The following EPHA6 variants were observed in gnomAD, a reference collection of about 807,000 sequenced individuals.
The protein encoded by EPHA6 is EPH receptor A6.
A neutral mutation model predicts 112.0 loss-of-function variants in EPHA6; 50 were observed. The observed-to-expected ratio is 0.45, with a 90% CI of 0.36 to 0.56. The LOEUF (loss-of-function observed/expected upper bound fraction) is 0.56, where lower values mean the gene tolerates loss of function less well. EPHA6 is among the 20% of genes least tolerant of loss of function. The probability of loss-of-function intolerance (pLI) is 0.00; values close to 1 mark genes in which losing one functional copy is unlikely to be tolerated. For synonymous variants in EPHA6, 529 were observed against 490.7 expected, an observed-to-expected ratio of 1.08 and a Z score of -1.03; for missense variants, 1,280 against 1,417.4, an observed-to-expected ratio of 0.90 and a Z score of 1.56.
At chr3:97,102,252 G>A (rs1408199293) in intron 3 of EPHA6, among the ~76,000 whole-genome samples, 4 of 152,044 alleles carry the variant, frequency 2.6e-5, no homozygotes, top group Non-Finnish European at 5.9e-5. Flanking sequence ...TATGAGTGAA[G>A]CAATCTTGGA....
chr3:97,640,396 G>GTT (rs2093990762), intron 14 of EPHA6, among the ~76,000 whole-genome samples: 1 of 152,134 alleles, frequency 6.6e-6, no homozygotes. Context: ...AAATTTGAAG[G>GTT]TTTTTGTATA....
At chr3:97,526,016 G>A (rs1473266995) in intron 10 of EPHA6, among the ~76,000 whole-genome samples, 4 of 152,138 alleles carry the variant, frequency 2.6e-5, no homozygotes, top group African/African-American at 9.7e-5. Context: ...GGCTTAAACT[G>A]AGACATAAGA....
chr3:97,502,201 C>G (rs1043614911), intron 10 of EPHA6, among the ~76,000 whole-genome samples: 15 of 133,640 alleles, frequency 1.1e-4, no homozygotes, highest in Admixed American at 3.2e-4. Flanking sequence ...CAGAATCTTG[C>G]TCTATCGCCC....
rs147233501 is a variant in EPHA6, at chr3:97,187,851, C to T, written c.1115-38413C>T. 4.9e-3 allele frequency among the ~76,000 whole-genome samples: 746 copies of T among 152,104 alleles called. 5 individuals are homozygous for T. The highest frequency in any genetic ancestry group is 0.017 in the African/African-American group (703 of 41,522). On this transcript the variant is annotated intron_variant, in intron 3 of 17. Transcript: ENST00000389672. ...ATCAATGAGTACAGAGGGGGAGGTG[C>T]AGTCCTCTTAGTTTGGGCAGGAAGT...
intron 14 of EPHA6, among the ~76,000 whole-genome samples, chr3:97,665,633 A>G (rs1015903730): frequency 6.6e-6 from 1 of 152,182 alleles, no homozygotes; most frequent in African/African-American, 2.4e-5. Context: ...CAATTCCATA[A>G]CTACCAATTA....
chr3:96,985,221 A>G (rs949212041), intron 2 of EPHA6, among the ~76,000 whole-genome samples: 4 of 152,144 alleles, frequency 2.6e-5, no homozygotes, highest in African/African-American at 9.7e-5. Context: ...CTTTACTCCT[A>G]TATGGGAGAG....
intron 3 of EPHA6, among the ~76,000 whole-genome samples, chr3:97,147,358 T>C (rs1040751360): frequency 1.3e-5 from 2 of 152,122 alleles, no homozygotes; most frequent in Admixed American, 6.6e-5. Flanking sequence ...CACTGTGCTC[T>C]GTATGATAAT....
chr3:97,528,502 G>T (rs1296000029), intron 10 of EPHA6, among the ~76,000 whole-genome samples: 1 of 152,100 alleles, frequency 6.6e-6, no homozygotes, highest in Middle Eastern at 3.2e-3. Context: ...CTGTCTGAGG[G>T]AAATGGCAAG....
At chr3:97,514,088 C>T (rs553318096) in intron 10 of EPHA6, among the ~76,000 whole-genome samples, 1 of 152,282 alleles carries the variant, frequency 6.6e-6, no homozygotes, top group East Asian at 1.9e-4. Flanking sequence ...CCTTAAAAAA[C>T]ACACAGTTTA....
chr3:97,140,543 A>G (rs2075873801), intron 3 of EPHA6, among the ~76,000 whole-genome samples: 1 of 152,188 alleles, frequency 6.6e-6, no homozygotes, highest in Non-Finnish European at 1.5e-5. Context: ...TCTTAAAGAC[A>G]AAAAATGCCA....
intron 15 of EPHA6, among the ~76,000 whole-genome samples, chr3:97,723,622 T>C (rs892407800): frequency 2.0e-5 from 3 of 152,140 alleles, no homozygotes; most frequent in African/African-American, 7.2e-5. Context: ...TGTTGTATTG[T>C]CATGGTCTTG....
chr3:97,233,351 A>G (rs373825879), intron 4 of EPHA6, among the ~76,000 whole-genome samples: 2 of 151,484 alleles, frequency 1.3e-5, no homozygotes, highest in East Asian at 3.9e-4. Flanking sequence ...TCAAAACATT[A>G]TGTCTTCTAA....
chr3:97,493,611 C>A (rs1327813516), intron 10 of EPHA6, among the ~76,000 whole-genome samples: 1 of 136,492 alleles, frequency 7.3e-6, no homozygotes, highest in Non-Finnish European at 1.5e-5. Flanking sequence ...TGGGGGGACA[C>A]AATTTAGTCC....
At chr3:97,110,765 G>C (rs1017832025) in intron 3 of EPHA6, among the ~76,000 whole-genome samples, 1 of 151,958 alleles carries the variant, frequency 6.6e-6, no homozygotes. Flanking sequence ...CTCACCTCAA[G>C]TGATCCACCT....
intron 11 of EPHA6, among the ~76,000 whole-genome samples, chr3:97,548,221 C>T (rs531268861): frequency 1.5e-3 from 227 of 152,152 alleles, no homozygotes; most frequent in Non-Finnish European, 2.3e-3. Context: ...CTGGGTGTGT[C>T]TTGTTTTCTA....
intron 11 of EPHA6, among the ~76,000 whole-genome samples, chr3:97,533,766 C>T (rs188029106): frequency 1.1e-4 from 16 of 152,140 alleles, no homozygotes; most frequent in Non-Finnish European, 2.1e-4. Context: ...TAAGATGAGG[C>T]CACATGCAGT....
At chr3:97,216,706 G>T (rs1395755869) in intron 3 of EPHA6, among the ~76,000 whole-genome samples, 1 of 152,180 alleles carries the variant, frequency 6.6e-6, no homozygotes, top group African/African-American at 2.4e-5. Context: ...TGATATTTTA[G>T]AGTTCGTATT....
At chr3:97,648,140 C>T (rs1206527342) in intron 14 of EPHA6, 5 of 430,402 alleles carry the variant, frequency 1.2e-5, no homozygotes, top group African/African-American at 1.0e-4. Flanking sequence ...TTGTGTTATC[C>T]ATGGCAAATT....
At chr3:97,230,102 G>C (rs1256647759) in intron 4 of EPHA6, among the ~76,000 whole-genome samples, 1 of 151,982 alleles carries the variant, frequency 6.6e-6, no homozygotes, top group East Asian at 1.9e-4. Flanking sequence ...GACCTGTCAG[G>C]CATGTATCCC....
Sources: allele counts gnomAD v4.1 joint callset (sites outside exome capture counted in the v4.1 genomes callset), GRCh38; gene constraint gnomAD v4.1.1; transcripts MANE v1.5; gene names NCBI Gene and HGNC (gene_info 2026-07-23, HGNC 2026-07-21).